CDYL2: variants seen among roughly 807,000 people sequenced by gnomAD.
CDYL2 encodes chromodomain Y like 2, also known as chromodomain Y-like protein 2.
CDYL2 carries 23 observed loss-of-function variants against 49.4 expected under a neutral mutation model. The observed-to-expected ratio is 0.47, with a 90% CI of 0.34 to 0.66. The LOEUF (loss-of-function observed/expected upper bound fraction) is 0.66, where lower values mean the gene tolerates loss of function less well. Ranked by LOEUF, CDYL2 falls within the 30% of genes least tolerant of loss-of-function variation. CDYL2 has a pLI of 0.01. For missense variants in CDYL2, 678 were observed against 656.4 expected (o/e 1.03, Z -0.36); for synonymous variants, 360 against 268.8 (o/e 1.34, Z -3.32).
chr16:80,711,877 C>T (rs199905885), intron 1 of CDYL2, among the ~76,000 whole-genome samples: 12 of 151,922 alleles, frequency 7.9e-5, no homozygotes, highest in South Asian at 4.2e-4. Flanking sequence ...TATGGCACTG[C>T]GGAATAGAGA....
At chr16:80,735,944 G>T (rs1256238569) in intron 1 of CDYL2, among the ~76,000 whole-genome samples, 4 of 152,194 alleles carry the variant, frequency 2.6e-5, no homozygotes, top group Non-Finnish European at 5.9e-5. Flanking sequence ...AGAGACTCGG[G>T]TCTGCACTTA....
chr16:80,641,241 G>A (rs1232241398), intron 2 of CDYL2, among the ~76,000 whole-genome samples: 2 of 152,098 alleles, frequency 1.3e-5, no homozygotes, highest in African/African-American at 4.8e-5. Flanking sequence ...CAATGTAGGA[G>A]CTTTAATACA....
At chr16:80,719,270 G>C in intron 1 of CDYL2, among the ~76,000 whole-genome samples, 1 of 152,178 alleles carries the variant, frequency 6.6e-6, no homozygotes, top group South Asian at 2.1e-4. Context: ...CCCAGGCCCC[G>C]GAAGAGGCTG....
At chr16:80,717,148 T>C (rs535930514) in intron 1 of CDYL2, among the ~76,000 whole-genome samples, 7 of 149,532 alleles carry the variant, frequency 4.7e-5, no homozygotes, top group South Asian at 2.2e-4. Context: ...ACTGGATCGA[T>C]AGATGGATGG....
At position 80,633,206 on chromosome 16, in the gene CDYL2, A is replaced by C; in HGVS notation, c.647T>G (p.Leu216Arg). ...GSALTNGGLN[L>R]HSPVKRKLEA... Reference sequence around the variant, plus strand: ...CAGCTTCCTCTTCACTGGACTGTGCAGGTTCAATCCCCCGTTGGTCAGAGC... The same window carrying C: ...CAGCTTCCTCTTCACTGGACTGTGCCGGTTCAATCCCCCGTTGGTCAGAGC... The change falls in exon 3 of 7, where the codon CTG becomes CGG. Residue 216 changes from leucine to arginine, a missense_variant. Coordinates refer to ENST00000570137, the MANE Select transcript of CDYL2 (RefSeq NM_152342.4). 1 of 1,614,224 alleles carries C rather than the reference A, an allele frequency of 6.2e-7. No individual in the cohort carries two copies. The highest frequency in any genetic ancestry group is 8.5e-7 in the Non-Finnish European group (1 of 1,180,026).
intron 1 of CDYL2, among the ~76,000 whole-genome samples, chr16:80,768,557 A>C (rs1012133639): frequency 6.6e-6 from 1 of 152,220 alleles, no homozygotes; most frequent in African/African-American, 2.4e-5. Flanking sequence ...ATGTCCTTGC[A>C]TGGCACAAGG....
intron 2 of CDYL2, among the ~76,000 whole-genome samples, chr16:80,658,423 G>C (rs953369005): frequency 3.9e-5 from 6 of 152,146 alleles, no homozygotes; most frequent in African/African-American, 1.2e-4. Context: ...ATAATATTAT[G>C]AATATACAAC....
At chr16:80,767,605 T>C (rs977538025) in intron 1 of CDYL2, among the ~76,000 whole-genome samples, 3 of 152,154 alleles carry the variant, frequency 2.0e-5, no homozygotes, top group Admixed American at 2.0e-4. Flanking sequence ...GCTCAAGGCA[T>C]CCCAAAAGAC....
At chr16:80,641,352 A>T (rs949342136) in intron 2 of CDYL2, among the ~76,000 whole-genome samples, 1 of 152,110 alleles carries the variant, frequency 6.6e-6, no homozygotes, top group Admixed American at 6.5e-5. Flanking sequence ...AAACAAAACA[A>T]AACAAAAAAA....
chr16:80,779,395 T>C (rs561429429), intron 1 of CDYL2, among the ~76,000 whole-genome samples: 3 of 152,204 alleles, frequency 2.0e-5, no homozygotes, highest in African/African-American at 7.2e-5. Context: ...GAAATAAACA[T>C]GTCTGTTATT....
intron 2 of CDYL2, among the ~76,000 whole-genome samples, chr16:80,672,318 TACAC>T (rs68135845): frequency 0.048 from 6,091 of 126,772 alleles, 278 homozygotes; most frequent in African/African-American, 0.12. Context: ...TACAAAATGT[TACAC>T]ACACACACAC....
In CDYL2 at chr16:80,757,569, C is replaced by T. The variant is rs914161186; in HGVS notation, c.24+46581G>A. Among the ~76,000 whole-genome samples the T allele has an allele frequency of 2.3e-4, 33 of 146,394 alleles. No homozygotes were observed. In the East Asian group the frequency reaches 5.9e-3, roughly 26 times the overall value. ...AAAAAAAAAAATATATATATATATA[C>T]ACACACACATATATTTTGAAAAATA... On this transcript the variant is annotated intron_variant, in intron 1 of 6. Transcript: ENST00000570137.
At chr16:80,774,886 T>G (rs1334788532) in intron 1 of CDYL2, among the ~76,000 whole-genome samples, 1 of 146,220 alleles carries the variant, frequency 6.8e-6, no homozygotes, top group Non-Finnish European at 1.5e-5. Flanking sequence ...AGAAACTGAC[T>G]GAATTTAGCT....
chr16:80,780,997 C>T (rs75613463), intron 1 of CDYL2, among the ~76,000 whole-genome samples: 98 of 152,222 alleles, frequency 6.4e-4, no homozygotes, highest in African/African-American at 2.1e-3. Context: ...ATTTCATGAC[C>T]GATACTCACT....
At chr16:80,633,731 C>T (rs985534998) in intron 2 of CDYL2, among the ~76,000 whole-genome samples, 1 of 152,176 alleles carries the variant, frequency 6.6e-6, no homozygotes, top group African/African-American at 2.4e-5. Context: ...CCTAGGGCTT[C>T]CTCAGGCGCT....
At chr16:80,728,378 G>A (rs1410825122) in intron 1 of CDYL2, among the ~76,000 whole-genome samples, 7 of 152,110 alleles carry the variant, frequency 4.6e-5, no homozygotes, top group East Asian at 1.9e-4. Flanking sequence ...GAAATGAAGC[G>A]AGAAGGGAAG....
At chr16:80,786,080 A>C (rs1286879626) in intron 1 of CDYL2, among the ~76,000 whole-genome samples, 2 of 152,206 alleles carry the variant, frequency 1.3e-5, no homozygotes, top group Non-Finnish European at 2.9e-5. Flanking sequence ...AAAACACCAA[A>C]AGCAATGGCA....
At chr16:80,769,231 T>A (rs2142392365) in intron 1 of CDYL2, among the ~76,000 whole-genome samples, 1 of 152,364 alleles carries the variant, frequency 6.6e-6, no homozygotes, top group South Asian at 2.1e-4. Context: ...GATCGCATTC[T>A]AATCAGCTGT....
rs540898597 is a variant in CDYL2, at chr16:80,600,696, T to C, written c.*3692A>G. The C allele has an allele frequency of 5.3e-5, 8 of 152,304 alleles. No homozygotes were observed. The East Asian group carries it at 1.3e-3, about 26-fold the overall frequency. 9.4% of individuals were successfully genotyped at this position (152,304 alleles called of 1,614,324 possible). ...ATTTTAAATATTCACTTAGGAAGAT[T>C]TGAAGATGTTTCTATTTGTTTCTCT... is the stretch of plus-strand genomic sequence containing the variant. On this transcript the variant is annotated 3_prime_UTR_variant, in exon 7 of 7. Coordinates refer to ENST00000570137, the MANE Select transcript of CDYL2 (RefSeq NM_152342.4).
Sources: gnomAD v4.1 joint callset for allele counts (sites outside exome capture counted in the v4.1 genomes callset) on GRCh38, gnomAD v4.1.1 for gene constraint, MANE v1.5 for transcripts, NCBI Gene and HGNC (gene_info 2026-07-23, HGNC 2026-07-21) for gene names.